Variants in ABTB2 observed in about 807,000 individuals in gnomAD.
ABTB2 encodes ankyrin repeat and BTB domain containing 2.
Under a neutral mutation model 104.1 loss-of-function variants are expected in ABTB2, and 56 were observed. The observed-to-expected ratio is 0.54, with a 90% CI of 0.43 to 0.67. The LOEUF (loss-of-function observed/expected upper bound fraction) is 0.67, where lower values mean the gene tolerates loss of function less well. Among genes scored for constraint, ABTB2 ranks in the 30% least tolerant of loss-of-function variants. ABTB2 has a pLI of 0.00. For missense variants in ABTB2, 1,279 were observed against 1,407.7 expected, an observed-to-expected ratio of 0.91 and a Z score of 1.46; for synonymous variants, 606 against 608.2, an observed-to-expected ratio of 1.00 and a Z score of 0.05.
In ABTB2 at chr11:34,251,309, G is replaced by A. The variant is rs572017976; in HGVS notation, c.884-46619C>T. Among the ~76,000 whole-genome samples, 3 of 152,344 alleles carry A rather than the reference G, an allele frequency of 2.0e-5. No homozygotes were observed. The South Asian group carries it at 6.2e-4, about 32-fold the overall frequency. On this transcript the variant is annotated intron_variant, in intron 1 of 16. Coordinates refer to ENST00000435224, the MANE Select transcript of ABTB2 (RefSeq NM_145804.3). ...TGCCTTAGTGACAGGCAAGGAGCCT[G>A]CTCAGACAGCGCTGACACTGATTCT...
In ABTB2 at chr11:34,161,036, G is replaced by C. The variant is rs758161018; in HGVS notation, c.2264C>G (p.Ser755Trp). ...LHIWIESLRT[S>W]FSQSRYSVVQ... The stretch of plus-strand genomic sequence containing the variant: ...CACCGAGTACCGCGACTGCGAGAAC[G>C]AGGTCCTCAGAGACTCGATCCAGAT... The change falls in exon 11 of 17, where the codon TCG (serine) becomes TGG (tryptophan). Residue 755 changes from serine to tryptophan, a missense_variant. By Grantham distance (177) the Ser-to-Trp change is radical (BLOSUM62 -3). Transcript: ENST00000435224. 2 of 1,612,988 alleles carry C rather than the reference G, an allele frequency of 1.2e-6. No individual in the cohort carries two copies. The highest frequency in any genetic ancestry group is 1.7e-5 in the Admixed American group (1 of 59,916).
At chr11:34,344,635 C>T (rs1855306855) in intron 1 of ABTB2, among the ~76,000 whole-genome samples, 1 of 152,092 alleles carries the variant, frequency 6.6e-6, no homozygotes, top group African/African-American at 2.4e-5. Context: ...TAGCTGGGGC[C>T]ACAGATGTGC....
intron 1 of ABTB2, among the ~76,000 whole-genome samples, chr11:34,222,753 C>T (rs962351451): frequency 6.6e-6 from 1 of 152,238 alleles, no homozygotes; most frequent in Non-Finnish European, 1.5e-5. Flanking sequence ...TGACTTCTAA[C>T]CCTGGGCTTG....
At chr11:34,184,169 G>T (rs960403461) in intron 3 of ABTB2, among the ~76,000 whole-genome samples, 1 of 152,024 alleles carries the variant, frequency 6.6e-6, no homozygotes, top group East Asian at 1.9e-4. Context: ...TCTCACGAAA[G>T]GGGGAGCTGC....
In ABTB2 at chr11:34,240,749, C is replaced by T. The variant is rs113402711; in HGVS notation, c.884-36059G>A. Among the ~76,000 whole-genome samples the T allele has an allele frequency of 9.5e-4, 141 of 149,080 alleles. 1 individual carries two copies. Among genetic ancestry groups the T allele is most frequent in the African/African-American group, 3.3e-3 (135 of 40,384 alleles). Reference sequence around the variant, plus strand: ...ATGAGATTACAGGCATCCGCCACCACACCCAGCTAATTTTTTAAGTTTTTA... The same window carrying T: ...ATGAGATTACAGGCATCCGCCACCATACCCAGCTAATTTTTTAAGTTTTTA... On this transcript the variant is annotated intron_variant, in intron 1 of 16. Transcript: ENST00000435224.
intron 1 of ABTB2, among the ~76,000 whole-genome samples, chr11:34,324,740 T>C (rs1448802804): frequency 6.6e-6 from 1 of 152,226 alleles, no homozygotes; most frequent in Non-Finnish European, 1.5e-5. Context: ...GCTGTCCCTG[T>C]TCAGTTACAG....
At chr11:34,306,741 A>G (rs1286422927) in intron 1 of ABTB2, among the ~76,000 whole-genome samples, 1 of 152,020 alleles carries the variant, frequency 6.6e-6, no homozygotes, top group African/African-American at 2.4e-5. Flanking sequence ...AAAATAAGTA[A>G]AACCGAGAAA....
intron 1 of ABTB2, among the ~76,000 whole-genome samples, chr11:34,342,804 T>C (rs2133124238): frequency 6.6e-6 from 1 of 152,298 alleles, no homozygotes; most frequent in Non-Finnish European, 1.5e-5. Flanking sequence ...TGCATGACCG[T>C]GAGCAAGCTA....
intron 1 of ABTB2, chr11:34,335,672 G>T: frequency 7.1e-7 from 1 of 1,409,334 alleles, no homozygotes; most frequent in Non-Finnish European, 1.0e-6. Flanking sequence ...ACAAACTTGT[G>T]TCTTTCACTT....
rs959576732 is a variant in ABTB2, at chr11:34,290,694, GA to G, written c.883+66006del. ...CTCGTCTCTATAAAAAATGAAAAAAGAAAAACAAAGAAAGAAAGAAAGAAAA... is the reference window on the plus strand; with the variant it reads ...CTCGTCTCTATAAAAAATGAAAAAAGAAAACAAAGAAAGAAAGAAAGAAAA... On this transcript the variant is annotated intron_variant, in intron 1 of 16. Coordinates refer to ENST00000435224, the MANE Select transcript of ABTB2 (RefSeq NM_145804.3). 2.0e-5 allele frequency among the ~76,000 whole-genome samples: 3 copies of G among 151,982 alleles called. No homozygotes were observed. In the East Asian group the frequency reaches 5.8e-4, roughly 29 times the overall value.
intron 1 of ABTB2, among the ~76,000 whole-genome samples, chr11:34,319,465 G>C (rs1255519372): frequency 6.6e-6 from 1 of 152,128 alleles, no homozygotes; most frequent in African/African-American, 2.4e-5. Flanking sequence ...GACAGGTTTG[G>C]GACAAAAAGG....
chr11:34,271,400 G>A lies in ABTB2; in HGVS notation c.884-66710C>T, dbSNP rs145049947. On this transcript the variant is annotated intron_variant, in intron 1 of 16. Coordinates refer to ENST00000435224, the MANE Select transcript of ABTB2 (RefSeq NM_145804.3). ...ATCCAGACTCTGGCTCCAGGGGAGG[G>A]AGCTCTGAGGTAGGAGGGTACTTCC... Among the ~76,000 whole-genome samples the A allele has an allele frequency of 2.6e-3, 390 of 152,284 alleles. 1 individual carries two copies. Among genetic ancestry groups the A allele is most frequent in the African/African-American group, 9.0e-3 (374 of 41,550 alleles).
chr11:34,334,155 T>A (rs1855165433), intron 1 of ABTB2, among the ~76,000 whole-genome samples: 1 of 152,190 alleles, frequency 6.6e-6, no homozygotes, highest in South Asian at 2.1e-4. Flanking sequence ...GAAAATCTCC[T>A]GGCTAACATG....
chr11:34,246,187 CA>C (rs1354627387), intron 1 of ABTB2, among the ~76,000 whole-genome samples: 1 of 152,162 alleles, frequency 6.6e-6, no homozygotes, highest in African/African-American at 2.4e-5. Context: ...AAAGTAACAA[CA>C]AAATCCCCTC....
chr11:34,239,067 A>T (rs1392095503), intron 1 of ABTB2, among the ~76,000 whole-genome samples: 2 of 152,010 alleles, frequency 1.3e-5, no homozygotes, highest in Non-Finnish European at 1.5e-5. Context: ...TTCTTTTTGT[A>T]ATCTCTGACA....
intron 1 of ABTB2, among the ~76,000 whole-genome samples, chr11:34,266,350 G>A (rs150623074): frequency 6.6e-6 from 1 of 152,148 alleles, no homozygotes; most frequent in African/African-American, 2.4e-5. Context: ...CTCCCGAAGT[G>A]CTGGGATTAC....
intron 1 of ABTB2, among the ~76,000 whole-genome samples, chr11:34,278,992 G>C (rs1854417690): frequency 6.6e-6 from 1 of 152,174 alleles, no homozygotes; most frequent in African/African-American, 2.4e-5. Flanking sequence ...TCTGATAATG[G>C]CCTGCAAAAA....
intron 3 of ABTB2, among the ~76,000 whole-genome samples, chr11:34,194,045 G>A (rs1367733676): frequency 2.0e-5 from 3 of 152,204 alleles, no homozygotes; most frequent in Admixed American, 1.3e-4. Context: ...CCACACAAAA[G>A]AGATGAACAC....
chr11:34,222,819 C>T (rs145244006), intron 1 of ABTB2, among the ~76,000 whole-genome samples: 2 of 152,290 alleles, frequency 1.3e-5, no homozygotes, highest in Admixed American at 1.3e-4. Flanking sequence ...CTAGGGCTCT[C>T]GAGTGCTTTG....
Sources: allele counts gnomAD v4.1 joint callset (sites outside exome capture counted in the v4.1 genomes callset), GRCh38; gene constraint gnomAD v4.1.1; transcripts MANE v1.5; gene names NCBI Gene and HGNC (gene_info 2026-07-23, HGNC 2026-07-21).